DLGAP2: variants seen among roughly 807,000 people sequenced by gnomAD.
DLGAP2 encodes disks large-associated protein 2.
A neutral mutation model predicts 100.3 loss-of-function variants in DLGAP2; 26 were observed. The ratio of observed to expected loss-of-function variants is 0.26; its 90% CI spans 0.19 to 0.36. The LOEUF is 0.36. Among genes scored for constraint, DLGAP2 ranks in the 10% least tolerant of loss-of-function variants. DLGAP2 has a pLI of 1.00. For synonymous variants in DLGAP2, 886 were observed against 630.1 expected (o/e 1.41, Z -6.08); for missense variants, 1,858 against 1,453.2 (o/e 1.28, Z -4.53).
intron 2 of DLGAP2, among the ~76,000 whole-genome samples, chr8:1,200,356 T>C (rs1797844151): frequency 6.6e-6 from 1 of 152,226 alleles, no homozygotes. Context: ...CTAATTCATC[T>C]TCAGAGCTTG....
intron 3 of DLGAP2, among the ~76,000 whole-genome samples, chr8:1,455,163 T>A (rs740245): frequency 4.6e-5 from 7 of 152,066 alleles, no homozygotes; most frequent in Non-Finnish European, 7.4e-5. Flanking sequence ...AGAGCCCGTC[T>A]AAAGCCCAGA....
chr8:1,241,100 C>G (rs80049750), intron 2 of DLGAP2, among the ~76,000 whole-genome samples: 2 of 98,050 alleles, frequency 2.0e-5, no homozygotes, highest in Non-Finnish European at 4.0e-5. Context: ...TCTCACATGG[C>G]GCCGTGTCTG....
At chr8:937,878 ACT>A (rs781429263) in intron 2 of DLGAP2, among the ~76,000 whole-genome samples, 4 of 151,754 alleles carry the variant, frequency 2.6e-5, no homozygotes, top group Non-Finnish European at 5.9e-5. Context: ...CCTTTTTGTG[ACT>A]CTGTGAGGAG....
At chr8:1,613,952 C>A (rs1797066080) in intron 6 of DLGAP2, among the ~76,000 whole-genome samples, 1 of 152,154 alleles carries the variant, frequency 6.6e-6, no homozygotes, top group African/African-American at 2.4e-5. Context: ...ATCAACTATT[C>A]CCGGTACAAA....
intron 6 of DLGAP2, among the ~76,000 whole-genome samples, chr8:1,569,000 C>T (rs1297782089): frequency 6.7e-6 from 1 of 148,980 alleles, no homozygotes; most frequent in South Asian, 2.2e-4. Context: ...CTGTGGCCCC[C>T]ATGCCACTGT....
At chr8:800,166 T>C (rs532831099) in intron 1 of DLGAP2, among the ~76,000 whole-genome samples, 1 of 152,312 alleles carries the variant, frequency 6.6e-6, no homozygotes, top group East Asian at 1.9e-4. Flanking sequence ...GATATGGTCA[T>C]GCTGTGCCCG....
chr8:1,272,039 C>G (rs1464940504), intron 3 of DLGAP2, among the ~76,000 whole-genome samples: 1 of 152,148 alleles, frequency 6.6e-6, no homozygotes, highest in Non-Finnish European at 1.5e-5. Flanking sequence ...TGGTCTCAAA[C>G]TCCTGACCTC....
At chr8:1,375,037 G>T (rs1802355624) in intron 3 of DLGAP2, among the ~76,000 whole-genome samples, 1 of 152,214 alleles carries the variant, frequency 6.6e-6, no homozygotes, top group South Asian at 2.1e-4. Flanking sequence ...ATGCTACTGA[G>T]GTGCTGTTCA....
intron 3 of DLGAP2, among the ~76,000 whole-genome samples, chr8:1,390,942 C>T (rs921261450): frequency 3.9e-5 from 6 of 152,208 alleles, no homozygotes; most frequent in Non-Finnish European, 8.8e-5. Context: ...ACACAGTCAG[C>T]ATGGCAGCAC....
chr8:1,267,962 C>G (rs1585208809), intron 3 of DLGAP2, among the ~76,000 whole-genome samples: 1 of 152,282 alleles, frequency 6.6e-6, no homozygotes, highest in South Asian at 2.1e-4. Flanking sequence ...AATATAAGTG[C>G]TGCATTTAGA....
intron 12 of DLGAP2, among the ~76,000 whole-genome samples, chr8:1,681,705 G>C (rs1480753547): frequency 6.6e-6 from 1 of 152,180 alleles, no homozygotes; most frequent in Non-Finnish European, 1.5e-5. Context: ...GATATGTCAG[G>C]CCCTGTGCCG....
chr8:1,195,444 T>C (rs756887088), intron 2 of DLGAP2, among the ~76,000 whole-genome samples: 3 of 152,214 alleles, frequency 2.0e-5, no homozygotes, highest in African/African-American at 7.2e-5. Flanking sequence ...GGAAACAGGC[T>C]GCACAGTGAA....
intron 7 of DLGAP2, among the ~76,000 whole-genome samples, chr8:1,631,422 T>G (rs560293402): frequency 1.3e-5 from 2 of 152,258 alleles, no homozygotes; most frequent in East Asian, 3.9e-4. Flanking sequence ...GACTTTTCCA[T>G]AAAATTCTAC....
chr8:874,529 T>C (rs896729083), intron 1 of DLGAP2, among the ~76,000 whole-genome samples: 1 of 152,268 alleles, frequency 6.6e-6, no homozygotes, highest in African/African-American at 2.4e-5. Flanking sequence ...TTTTCTGTTG[T>C]TGATTTCTAA....
intron 1 of DLGAP2, among the ~76,000 whole-genome samples, chr8:866,577 C>T (rs1386599169): frequency 6.6e-6 from 1 of 152,084 alleles, no homozygotes; most frequent in Non-Finnish European, 1.5e-5. Context: ...GACCAGAGTG[C>T]TGGGGGTCGT....
At chr8:1,454,166 C>T (rs990701730) in intron 3 of DLGAP2, among the ~76,000 whole-genome samples, 1 of 152,196 alleles carries the variant, frequency 6.6e-6, no homozygotes, top group Non-Finnish European at 1.5e-5. Context: ...TTCGCAAACC[C>T]TCTGTGGATG....
Position 1,701,267 on chromosome 8 carries a change from A to G in DLGAP2, c.3029A>G (p.Asp1010Gly). 1.3e-6 allele frequency: 2 copies of G among 1,582,396 alleles called. No individual in the cohort carries two copies. The highest frequency in any genetic ancestry group is 1.7e-6 in the Non-Finnish European group (2 of 1,165,040). ...CCCATCACAAGAGAAAAATCCCTGGACCTGCCCGACAGACAACGCCAGGAA... is the reference window on the plus strand; with the variant it reads ...CCCATCACAAGAGAAAAATCCCTGGGCCTGCCCGACAGACAACGCCAGGAA... ...KFPITREKSL[D>G]LPDRQRQEAR... is the part of the protein sequence containing the mutation. The change falls in exon 15 of 15, where the codon GAC (aspartate) becomes GGC (glycine). Residue 1010 changes from aspartate (D) to glycine (G), a missense_variant. Physicochemically the swap from Asp to Gly is moderately conservative, Grantham distance 94. Coordinates refer to ENST00000637795, the MANE Select transcript of DLGAP2 (RefSeq NM_001346810.2).
At chr8:1,534,783 C>CAT (rs112347364) in intron 4 of DLGAP2, among the ~76,000 whole-genome samples, 92,484 of 148,180 alleles carry the variant, frequency 0.62, 29,877 homozygotes, top group African/African-American at 0.84. Flanking sequence ...TGCACGTGTA[C>CAT]GTGTGTGAGT....
chr8:1,487,676 C>T (rs1283756558), intron 3 of DLGAP2, among the ~76,000 whole-genome samples: 1 of 152,162 alleles, frequency 6.6e-6, no homozygotes, highest in East Asian at 1.9e-4. Context: ...ATCGTCTGTT[C>T]ATATGTGATT....
Sources: allele counts gnomAD v4.1 joint callset (sites outside exome capture counted in the v4.1 genomes callset), GRCh38; gene constraint gnomAD v4.1.1; transcripts MANE v1.5; gene names NCBI Gene and HGNC (gene_info 2026-07-23, HGNC 2026-07-21).